The following MYBPC1 variants were observed in gnomAD, a reference collection of about 807,000 sequenced individuals.
The protein encoded by MYBPC1 is myosin binding protein C1.
Under a neutral mutation model 147.1 loss-of-function variants are expected in MYBPC1, and 52 were observed. The ratio of observed to expected loss-of-function variants is 0.35; its 90% CI spans 0.28 to 0.45. The LOEUF is 0.45. MYBPC1 is among the 20% of genes least tolerant of loss of function. The probability of loss-of-function intolerance (pLI) is 1.00; values close to 1 mark genes in which losing one functional copy is unlikely to be tolerated. For missense variants in MYBPC1, 1,228 were observed against 1,440.3 expected, an observed-to-expected ratio of 0.85 and a Z score of 2.39; for synonymous variants, 477 against 475.9, an observed-to-expected ratio of 1.00 and a Z score of -0.03.
intron 18 of MYBPC1, among the ~76,000 whole-genome samples, chr12:101,657,406 A>G (rs1895723528): frequency 2.0e-5 from 3 of 152,214 alleles, no homozygotes; most frequent in Admixed American, 2.0e-4. Context: ...TAGAGAAATT[A>G]ACAAAAGCTG....
At chr12:101,687,147 A>G (rs1467799735), downstream of MYBPC1, among the ~76,000 whole-genome samples, 7 of 152,172 alleles carry the variant, frequency 4.6e-5, no homozygotes, top group South Asian at 4.2e-4. Context: ...ATACGTATAC[A>G]TGTGCCATGT....
chr12:101,652,868 C>G, intron 17 of MYBPC1, 84 bp downstream of exon 17: 1 of 1,279,214 alleles, frequency 7.8e-7, no homozygotes, highest in Non-Finnish European at 1.1e-6. Flanking sequence ...ATATTCAAAA[C>G]TAAGTGACAT....
At chr12:101,635,178 G>A (rs112764183) in intron 9 of MYBPC1, among the ~76,000 whole-genome samples, 325 of 152,252 alleles carry the variant, frequency 2.1e-3, no homozygotes, top group Non-Finnish European at 3.2e-3. Flanking sequence ...TACCAAGGCT[G>A]AAAAATGGAG....
chr12:101,666,890 T>TACACACACACAC (rs148269135), intron 22 of MYBPC1: 169 of 464,420 alleles, frequency 3.6e-4, no homozygotes, highest in African/African-American at 2.7e-3. Flanking sequence ...ACTCATCACA[T>TACACACACACAC]ACATACACAC....
At chr12:101,653,038 C>T in intron 17 of MYBPC1, 77 bp from the exon 18 acceptor site, 2 of 1,542,062 alleles carry the variant, frequency 1.3e-6, no homozygotes, top group Non-Finnish European at 1.8e-6. Flanking sequence ...TTACTACCAT[C>T]ATACTAGCCA....
chr12:101,632,971 G>C (rs1266571364), intron 8 of MYBPC1, among the ~76,000 whole-genome samples: 1 of 152,194 alleles, frequency 6.6e-6, no homozygotes, highest in African/African-American at 2.4e-5. Flanking sequence ...CAGGCCTCAA[G>C]TGATCCACCT....
chr12:101,641,472 A>G (rs1892025822), intron 10 of MYBPC1, among the ~76,000 whole-genome samples: 2 of 152,178 alleles, frequency 1.3e-5, no homozygotes, highest in African/African-American at 4.8e-5. Flanking sequence ...GACAAGTGTA[A>G]ATCTTAAATC....
intron 6 of MYBPC1, 146 bp downstream of exon 6, chr12:101,629,690 T>C (rs1889456080): frequency 1.5e-6 from 1 of 670,354 alleles, no homozygotes; most frequent in African/African-American, 1.8e-5. Flanking sequence ...CTGGCCAACA[T>C]GGTGAAACCC....
chr12:101,686,182 C>G (rs1324759229), downstream of MYBPC1, among the ~76,000 whole-genome samples: 3 of 152,110 alleles, frequency 2.0e-5, no homozygotes, highest in Non-Finnish European at 2.9e-5. Context: ...AAAAGTCTAA[C>G]TTTCAAACAA....
chr12:101,649,423 G>A lies in MYBPC1; in HGVS notation c.1360G>A (p.Asp454Asn). The change falls in exon 15 of 32, where the codon GAC becomes AAC. Residue 454 changes from aspartate (D) to asparagine (N), a missense_variant. Physicochemically the swap from Asp to Asn is conservative, Grantham distance 23 (BLOSUM62 1). Coordinates refer to ENST00000361466, the MANE Select transcript of MYBPC1 (RefSeq NM_002465.4). ...ACAATCATCTGCTAAACTTAGTGTT[G>A]ACTGTAAGTGAGACTTCTTTAGATG... ...GGQSSAKLSV[D>N]LKPLKILTPL... 1 of 1,613,766 alleles carries A rather than the reference G, an allele frequency of 6.2e-7. No individual in the cohort carries two copies. Among genetic ancestry groups the A allele is most frequent in the Non-Finnish European group, 8.5e-7 (1 of 1,179,766 alleles).
chr12:101,670,025 G>T (rs1478143126), intron 23 of MYBPC1: 3 of 488,040 alleles, frequency 6.1e-6, no homozygotes, highest in Non-Finnish European at 1.1e-5. Context: ...GTTGCTTTAG[G>T]CTTATTACAA....
intron 7 of MYBPC1, 41 bp downstream of exon 7, chr12:101,631,760 A>G (rs201671880): frequency 5.0e-6 from 8 of 1,612,688 alleles, no homozygotes; most frequent in East Asian, 2.2e-5. Context: ...CAGCTAGCGC[A>G]TTCCTTCTAT....
intron 1 of MYBPC1, among the ~76,000 whole-genome samples, chr12:101,612,889 T>A (rs1475541112): frequency 5.3e-5 from 8 of 152,252 alleles, no homozygotes; most frequent in Admixed American, 3.9e-4. Flanking sequence ...ATAACCCTAG[T>A]GATTCTTTCC....
chr12:101,633,631 G>C (rs1890374762), intron 8 of MYBPC1, among the ~76,000 whole-genome samples: 1 of 151,342 alleles, frequency 6.6e-6, no homozygotes, highest in East Asian at 2.0e-4. Flanking sequence ...AGGTTGCAGT[G>C]AGACAAGACC....
intron 26 of MYBPC1, among the ~76,000 whole-genome samples, chr12:101,675,762 A>G (rs2136764005): frequency 6.6e-6 from 1 of 152,382 alleles, no homozygotes; most frequent in East Asian, 1.9e-4. Context: ...TTCAATGTTC[A>G]GTAGAATTCA....
intron 18 of MYBPC1, among the ~76,000 whole-genome samples, chr12:101,658,871 T>A (rs980937991): frequency 1.3e-5 from 2 of 152,070 alleles, no homozygotes; most frequent in Non-Finnish European, 2.9e-5. Context: ...GAGTAGAGAG[T>A]TTACCTAGTA....
intron 30 of MYBPC1, 52 bp downstream of exon 30, chr12:101,682,714 T>C: frequency 6.6e-7 from 1 of 1,512,546 alleles, no homozygotes; most frequent in East Asian, 2.3e-5. Context: ...TCCATTCCTC[T>C]TACATGAAAA....
chr12:101,685,811 GAAAAA>G lies in MYBPC1; in HGVS notation c.*261_*265del. The G allele has an allele frequency of 5.6e-6, 2 of 358,394 alleles. No homozygotes were observed. Among genetic ancestry groups the G allele is most frequent in the Non-Finnish European group, 9.3e-6 (2 of 215,340 alleles). 22.2% of individuals were successfully genotyped at this position (358,394 alleles called of 1,614,324 possible). A position where few individuals can be genotyped will look rare whatever the true frequency, so the allele number is the denominator to read the frequency against. On this transcript the variant is annotated 3_prime_UTR_variant, in exon 32 of 32. Transcript: ENST00000361466. ...TTTTCTTTCCTCCTAATGTTGAAGA[GAAAAA>G]AAAAAAAAAAAGTTTGCCCAGATTG...
At chr12:101,671,308 T>TAC (rs755365247) in intron 24 of MYBPC1, among the ~76,000 whole-genome samples, 1 of 92,954 alleles carries the variant, frequency 1.1e-5, no homozygotes, top group East Asian at 3.5e-4. Context: ...TTGACACTCA[T>TAC]ATACACACAC....
Sources: gnomAD v4.1 joint callset for allele counts (sites outside exome capture counted in the v4.1 genomes callset) on GRCh38, gnomAD v4.1.1 for gene constraint, MANE v1.5 for transcripts, NCBI Gene and HGNC (gene_info 2026-07-23, HGNC 2026-07-21) for gene names.